The following SLC44A1 variants were observed in gnomAD, a reference collection of about 807,000 sequenced individuals.
SLC44A1 encodes solute carrier family 44 member 1.
SLC44A1 carries 26 observed loss-of-function variants against 79.3 expected under a neutral mutation model. The observed-to-expected ratio is 0.33, with a 90% CI of 0.24 to 0.46. SLC44A1 has a LOEUF of 0.46. Ranked by LOEUF, SLC44A1 falls within the 20% of genes least tolerant of loss-of-function variation. The pLI is 1.00. For synonymous variants in SLC44A1, 263 were observed against 286.2 expected, an observed-to-expected ratio of 0.92 and a Z score of 0.82; for missense variants, 688 against 798.1, an observed-to-expected ratio of 0.86 and a Z score of 1.66.
chr9:105,255,421 T>G (rs764147044), intron 1 of SLC44A1, among the ~76,000 whole-genome samples: 1 of 152,230 alleles, frequency 6.6e-6, no homozygotes, highest in Non-Finnish European at 1.5e-5. Flanking sequence ...ATAAAAAAGT[T>G]AACATCCTTT....
intron 12 of SLC44A1, among the ~76,000 whole-genome samples, chr9:105,368,325 G>A (rs4549843): frequency 0.21 from 32,322 of 152,088 alleles, 5,517 homozygotes; most frequent in African/African-American, 0.47. Flanking sequence ...AGGGAGAGGT[G>A]TTCTGAACTC....
intron 3 of SLC44A1, among the ~76,000 whole-genome samples, chr9:105,321,520 A>G (rs1826392731): frequency 1.3e-5 from 2 of 152,210 alleles, no homozygotes; most frequent in African/African-American, 2.4e-5. Context: ...AACTAGTTGC[A>G]GCAAATCATA....
intron 15 of SLC44A1, among the ~76,000 whole-genome samples, chr9:105,428,919 T>C (rs973225399): frequency 2.0e-5 from 3 of 152,216 alleles, no homozygotes; most frequent in Admixed American, 1.3e-4. Context: ...TTGGCCAGGA[T>C]GGTCTCGATC....
At chr9:105,255,296 A>C (rs1829680608) in intron 1 of SLC44A1, among the ~76,000 whole-genome samples, 1 of 152,192 alleles carries the variant, frequency 6.6e-6, no homozygotes, top group Non-Finnish European at 1.5e-5. Flanking sequence ...TCACAGCTGT[A>C]ACTTTGGTAA....
intron 12 of SLC44A1, among the ~76,000 whole-genome samples, chr9:105,369,052 A>C (rs572682395): frequency 2.6e-5 from 4 of 152,124 alleles, no homozygotes; most frequent in African/African-American, 9.6e-5. Context: ...AAAGAAAGAA[A>C]GCCTGTTGAA....
chr9:105,275,646 A>G (rs535699833), intron 1 of SLC44A1, among the ~76,000 whole-genome samples: 19 of 152,306 alleles, frequency 1.2e-4, no homozygotes, highest in African/African-American at 3.4e-4. Context: ...TGGTCAGCTT[A>G]TGAAAAATGA....
At chr9:105,414,508 A>G (rs918040375) in intron 15 of SLC44A1, among the ~76,000 whole-genome samples, 7 of 152,202 alleles carry the variant, frequency 4.6e-5, no homozygotes, top group Non-Finnish European at 5.9e-5. Context: ...ATTTGTAGCA[A>G]TCTAATTTAT....
chr9:105,345,186 A>C (rs1291268615), intron 4 of SLC44A1, among the ~76,000 whole-genome samples: 1 of 152,136 alleles, frequency 6.6e-6, no homozygotes, highest in Non-Finnish European at 1.5e-5. Context: ...GATGAGAAAC[A>C]CTTTACAGTA....
At chr9:105,265,549 T>G (rs1233112727) in intron 1 of SLC44A1, among the ~76,000 whole-genome samples, 3 of 152,240 alleles carry the variant, frequency 2.0e-5, no homozygotes, top group African/African-American at 7.2e-5. Context: ...CACGGGGTTG[T>G]TTCCAGTTTG....
At chr9:105,349,834 T>A (rs1827350710) in intron 5 of SLC44A1, among the ~76,000 whole-genome samples, 1 of 152,182 alleles carries the variant, frequency 6.6e-6, no homozygotes, top group African/African-American at 2.4e-5. Context: ...GGGAGGTCTC[T>A]GCTCCTGTGT....
intron 5 of SLC44A1, among the ~76,000 whole-genome samples, chr9:105,349,879 C>T (rs991747910): frequency 2.6e-5 from 4 of 152,142 alleles, no homozygotes; most frequent in African/African-American, 9.7e-5. Flanking sequence ...GGCAGCTCAG[C>T]TCATCCTGCA....
At chr9:105,252,927 A>T (rs977940675) in intron 1 of SLC44A1, among the ~76,000 whole-genome samples, 1 of 152,168 alleles carries the variant, frequency 6.6e-6, no homozygotes, top group African/African-American at 2.4e-5. Flanking sequence ...TAAAAAACAG[A>T]TTTACATTTT....
At chr9:105,269,000 CA>C (rs1564405327) in intron 1 of SLC44A1, among the ~76,000 whole-genome samples, 1 of 152,174 alleles carries the variant, frequency 6.6e-6, no homozygotes, top group Non-Finnish European at 1.5e-5. Context: ...ATTTTAAAAA[CA>C]TAAGTATGAA....
chr9:105,315,272 T>G (rs10820797), intron 3 of SLC44A1, among the ~76,000 whole-genome samples: 136 of 68,752 alleles, frequency 2.0e-3, no homozygotes, highest in African/African-American at 9.6e-3. Flanking sequence ...TTTTTGTTTG[T>G]TTTTTTTTTT....
intron 12 of SLC44A1, among the ~76,000 whole-genome samples, chr9:105,373,149 ATC>A (rs757635853): frequency 6.6e-6 from 1 of 152,180 alleles, no homozygotes; most frequent in Non-Finnish European, 1.5e-5. Context: ...ATTGTAGACT[ATC>A]TCTCCTGGGC....
chr9:105,385,194 T>C (rs1178355543), intron 14 of SLC44A1, among the ~76,000 whole-genome samples: 1 of 152,220 alleles, frequency 6.6e-6, no homozygotes, highest in African/African-American at 2.4e-5. Context: ...TTAGTAAGAT[T>C]GTCACAATGA....
In SLC44A1 at chr9:105,390,932, A is replaced by T. The variant is rs1430502420; in HGVS notation, c.*1876A>T. ...ACAGTATCGCTGTTCTCTTTTATTC[A>T]TTTGAAATGAATATAATTATATAAC... is the stretch of plus-strand genomic sequence containing the variant. On this transcript the variant is annotated 3_prime_UTR_variant, in exon 16 of 16. Transcript: ENST00000374720. The T allele has an allele frequency of 2.0e-6, 2 of 981,472 alleles. No individual in the cohort carries two copies. Among genetic ancestry groups the T allele is most frequent in the African/African-American group, 1.8e-5 (1 of 57,116 alleles). The allele number at this position is 981,472 out of a possible 1,614,324, so 60.8% of individuals were successfully genotyped here. A position where few individuals can be genotyped will look rare whatever the true frequency, so the allele number is the denominator to read the frequency against.
intron 15 of SLC44A1, among the ~76,000 whole-genome samples, chr9:105,404,318 AT>A (rs1828999947): frequency 6.6e-6 from 1 of 151,766 alleles, no homozygotes; most frequent in African/African-American, 2.4e-5. Flanking sequence ...AAAACGGATG[AT>A]TGGTTGGTGT....
At position 105,299,226 on chromosome 9, in the gene SLC44A1, A is replaced by C; in HGVS notation, c.43A>C (p.Lys15Gln). 6.3e-7 allele frequency: 1 copy of C among 1,589,086 alleles called. No individual in the cohort carries two copies. The highest frequency in any genetic ancestry group is 1.2e-5 in the South Asian group (1 of 86,276). ...SSASSAAQSS[K>Q]REWKPLEDRS... ...ATTTTGTATTTCCAATTAGAGCTCC[A>C]AACGAGAATGGAAGCCGCTGGAGGA... is the stretch of plus-strand genomic sequence containing the variant. The change falls in exon 2 of 16, where the codon AAA becomes CAA. Residue 15 changes from lysine to glutamine, a missense_variant. By Grantham distance (53) the Lys-to-Gln change is moderately conservative. Transcript: ENST00000374720.
Sources: gnomAD v4.1 joint callset for allele counts (sites outside exome capture counted in the v4.1 genomes callset) on GRCh38, gnomAD v4.1.1 for gene constraint, MANE v1.5 for transcripts, NCBI Gene and HGNC (gene_info 2026-07-23, HGNC 2026-07-21) for gene names.